Variants in HSPA14 observed in about 807,000 individuals in gnomAD.
The protein encoded by HSPA14 is heat shock 70 kDa protein 14.
A neutral mutation model predicts 65.5 loss-of-function variants in HSPA14; 37 were observed. That is an observed-to-expected ratio of 0.56 (90% CI 0.43 to 0.74). HSPA14 has a LOEUF of 0.74. Among genes scored for constraint, HSPA14 ranks in the 30% least tolerant of loss-of-function variants. HSPA14 has a pLI of 0.00. For missense variants in HSPA14, 564 were observed against 607.6 expected, an observed-to-expected ratio of 0.93 and a Z score of 0.75; for synonymous variants, 203 against 214.2, an observed-to-expected ratio of 0.95 and a Z score of 0.46.
At chr10:14,843,406 C>T (rs1310083024) in intron 3 of HSPA14, 1 of 1,550,914 alleles carries the variant, frequency 6.4e-7, no homozygotes, top group East Asian at 2.4e-5. Flanking sequence ...CAGCAGCTCC[C>T]ACAGCCTTTT....
Position 14,864,618 on chromosome 10 carries a change from G to A in HSPA14, c.994-2465G>A, listed in dbSNP as rs574584082. Among the ~76,000 whole-genome samples, 117 of 152,228 alleles carry A rather than the reference G, an allele frequency of 7.7e-4. 1 individual carries two copies. The highest frequency in any genetic ancestry group is 2.7e-3 in the Admixed American group (41 of 15,280). Reference sequence around the variant, plus strand: ...GTCCTTGCGATAGTTTGCTGAGAATGATGGTTTCCAGCTTCGTCCTACAAA... The same window carrying A: ...GTCCTTGCGATAGTTTGCTGAGAATAATGGTTTCCAGCTTCGTCCTACAAA... On this transcript the variant is annotated intron_variant, in intron 10 of 13. Coordinates refer to ENST00000378372, the MANE Select transcript of HSPA14 (RefSeq NM_016299.4).
intron 6 of HSPA14, among the ~76,000 whole-genome samples, chr10:14,850,186 C>T (rs1834097386): frequency 6.6e-6 from 1 of 151,682 alleles, no homozygotes; most frequent in African/African-American, 2.4e-5. Flanking sequence ...GCATAAGAAT[C>T]GCCTGAACCC....
intron 10 of HSPA14, among the ~76,000 whole-genome samples, chr10:14,865,759 G>A (rs1424449654): frequency 6.6e-6 from 1 of 151,920 alleles, no homozygotes; most frequent in East Asian, 1.9e-4. Context: ...AGGTACTCCA[G>A]CTTTGTTCGT....
At chr10:14,853,760 C>T (rs1479023371) in intron 8 of HSPA14, among the ~76,000 whole-genome samples, 1 of 152,136 alleles carries the variant, frequency 6.6e-6, no homozygotes, top group Non-Finnish European at 1.5e-5. Context: ...GCTCTTGTCG[C>T]CCAGGTTGGA....
In HSPA14 at chr10:14,848,904, CA is replaced by C. The variant is rs1307957548; in HGVS notation, c.376+13del. ...ATTTAGTAAAATGAAAGGTATTTAG[CA>C]AAAGATATATAATAGTTACCTTTAA... On this transcript the variant is annotated intron_variant, in intron 5 of 13. Transcript: ENST00000378372. The C allele has an allele frequency of 1.5e-6, 2 of 1,348,372 alleles. No individual in the cohort carries two copies. The highest frequency in any genetic ancestry group is 2.1e-6 in the Non-Finnish European group (2 of 955,756). The allele number at this position is 1,348,372 out of a possible 1,614,324, so 83.5% of individuals were successfully genotyped here.
At chr10:14,862,297 G>A (rs1380695225) in intron 10 of HSPA14, among the ~76,000 whole-genome samples, 1 of 151,726 alleles carries the variant, frequency 6.6e-6, no homozygotes, top group African/African-American at 2.4e-5. Context: ...CAAAGTGCTG[G>A]GATGACAGGC....
At position 14,838,470 on chromosome 10, in the gene HSPA14, G is replaced by T; in HGVS notation, c.57+11G>T. 6.3e-7 allele frequency: 1 copy of T among 1,598,836 alleles called. No individual in the cohort carries two copies. ...GTGGCCGTCTATAAGGTGAGGGGCT[G>T]CGGAGCTGGGCTAGGGCTTCATGAC... On this transcript the variant is annotated intron_variant, in intron 1 of 13. Coordinates refer to ENST00000378372, the MANE Select transcript of HSPA14 (RefSeq NM_016299.4).
At chr10:14,848,539 T>C in intron 3 of HSPA14, 70 bp from the exon 4 acceptor site, 2 of 1,104,180 alleles carry the variant, frequency 1.8e-6, no homozygotes, top group South Asian at 1.4e-5. Flanking sequence ...AAATACAGTC[T>C]TCTCTAAACT....
chr10:14,845,380 C>T (rs1459429673), intron 3 of HSPA14: 2 of 985,058 alleles, frequency 2.0e-6, no homozygotes, highest in Non-Finnish European at 2.4e-6. Context: ...TAGCTAAATG[C>T]TGGAAATGGA....
At chr10:14,846,529 GAA>G (rs1834055946) in intron 3 of HSPA14, 1 of 985,262 alleles carries the variant, frequency 1.0e-6, no homozygotes, top group South Asian at 4.7e-5. Flanking sequence ...CAGTGTGCAA[GAA>G]AGCAAGCCAG....
At chr10:14,843,221 A>T in intron 3 of HSPA14, 1 of 1,003,512 alleles carries the variant, frequency 1.0e-6, no homozygotes, top group Non-Finnish European at 1.5e-6. Context: ...AATTGTCCAG[A>T]TTAAGGAAAT....
chr10:14,850,681 T>C (rs1834101833), intron 6 of HSPA14: 1 of 152,272 alleles, frequency 6.6e-6, no homozygotes, highest in Admixed American at 6.5e-5. Flanking sequence ...TTTGTCTTTC[T>C]GCAGTTTTTG....
In HSPA14 at chr10:14,838,312, C is replaced by T; in HGVS notation, c.-91C>T. Reference sequence around the variant, plus strand: ...GCAGGGGGCTGGCGGGAACGTGAAGCTCCGCGGTGCCTGATGGGGCCGTTG... The same window carrying T: ...GCAGGGGGCTGGCGGGAACGTGAAGTTCCGCGGTGCCTGATGGGGCCGTTG... On this transcript the variant is annotated 5_prime_UTR_variant, in exon 1 of 14. Transcript: ENST00000378372. 7.6e-7 allele frequency: 1 copy of T among 1,321,314 alleles called. No homozygotes were observed. The highest frequency in any genetic ancestry group is 1.3e-5 in the South Asian group (1 of 79,758). The allele number at this position is 1,321,314 out of a possible 1,614,324, so 81.8% of individuals were successfully genotyped here.
At position 14,842,337 on chromosome 10, in the gene HSPA14, G is replaced by A. The variant is rs1221332115; in HGVS notation, c.221+2180G>A. The A allele has an allele frequency of 9.6e-5, 147 of 1,535,902 alleles. No homozygotes were observed. Among genetic ancestry groups the A allele is most frequent in the Non-Finnish European group, 1.2e-4 (142 of 1,146,908 alleles). ...ATCCGGTGGTCCAGACAGGAGACAC[G>A]AACTCTTCTCTCCATACTAGGCGAG... On this transcript the variant is annotated intron_variant, in intron 3 of 13. Transcript: ENST00000378372. The surrounding 1 kb of genome is among the most constrained non-coding windows in gnomAD (Gnocchi z 5.2).
In HSPA14 at chr10:14,842,028, G is replaced by C; in HGVS notation, c.221+1871G>C. The C allele has an allele frequency of 1.3e-6, 1 of 770,822 alleles. No individual in the cohort carries two copies. Among genetic ancestry groups the C allele is most frequent in the Non-Finnish European group, 2.1e-6 (1 of 473,884 alleles). The allele number at this position is 770,822 out of a possible 1,614,324, so 47.7% of individuals were successfully genotyped here. A position where few individuals can be genotyped will look rare whatever the true frequency, so the allele number is the denominator to read the frequency against. ...CCCAAAGTTGGGCTATCTCAGTCTT[G>C]GCCTCATGCCTGTTTATGACCTACT... is the stretch of plus-strand genomic sequence containing the variant. On this transcript the variant is annotated intron_variant, in intron 3 of 13. Transcript: ENST00000378372. This position sits in a 1 kb window ranked among gnomAD's most constrained non-coding sequence, Gnocchi z 5.2.
Position 14,854,183 on chromosome 10 carries a change from G to A in HSPA14, c.793G>A (p.Ala265Thr), listed in dbSNP as rs1264375330. Residue 265 changes from alanine to threonine, a missense_variant, in exon 9 of 14, where the codon GCT becomes ACT. Ala to Thr is a moderately conservative substitution (Grantham distance 58). Transcript: ENST00000378372. ...ARAMMKLTNSAEVAKHSLSTL... is the reference protein window; with the variant it reads ...ARAMMKLTNSTEVAKHSLSTL... ...AGCCATGATGAAATTAACGAACAGT[G>A]CTGAAGTAGCGAAACATTCTTTGTC... is the stretch of plus-strand genomic sequence containing the variant. 3 of 1,613,584 alleles carry A rather than the reference G, an allele frequency of 1.9e-6. No individual in the cohort carries two copies. The highest frequency in any genetic ancestry group is 8.5e-7 in the Non-Finnish European group (1 of 1,179,820).
chr10:14,847,831 C>A (rs1370807226), intron 3 of HSPA14, among the ~76,000 whole-genome samples: 1 of 152,182 alleles, frequency 6.6e-6, no homozygotes, highest in East Asian at 1.9e-4. Context: ...AGATTTCTAT[C>A]CCGCTCAAGG....
chr10:14,869,239 G>C (rs537314896), intron 12 of HSPA14, among the ~76,000 whole-genome samples: 1,503 of 147,812 alleles, frequency 0.01, 29 homozygotes, highest in African/African-American at 0.037. Context: ...GTACGTGTGT[G>C]TGTGTGTGTG....
chr10:14,848,668 T>G lies in HSPA14; in HGVS notation c.270+11T>G. On this transcript the variant is annotated intron_variant, in intron 4 of 13. Transcript: ENST00000378372. ...GAAAGTAAATGTTTAGTGAGTATGG[T>G]TCTGTTATTGCTTCCCTGTTACATA... is the stretch of plus-strand genomic sequence containing the variant. The G allele has an allele frequency of 6.2e-7, 1 of 1,604,404 alleles. No homozygotes were observed. Among genetic ancestry groups the G allele is most frequent in the Non-Finnish European group, 8.5e-7 (1 of 1,172,474 alleles).
Sources: gnomAD v4.1 joint callset for allele counts (sites outside exome capture counted in the v4.1 genomes callset) on GRCh38, gnomAD v4.1.1 for gene constraint, Gnocchi (gnomAD v3.1) non-coding constraint, MANE v1.5 for transcripts, NCBI Gene and HGNC (gene_info 2026-07-23, HGNC 2026-07-21) for gene names.